PPP3CA: variants seen among roughly 807,000 people sequenced by gnomAD.
The protein encoded by PPP3CA is protein phosphatase 3 catalytic subunit alpha.
In PPP3CA, 14 loss-of-function variants were observed where a neutral mutation model predicts 66.5. That is an observed-to-expected ratio of 0.21 (90% CI 0.14 to 0.33). The LOEUF (loss-of-function observed/expected upper bound fraction) is 0.33, where lower values mean the gene tolerates loss of function less well. PPP3CA is among the 10% of genes least tolerant of loss of function. PPP3CA has a pLI of 1.00. For missense variants in PPP3CA, 317 were observed against 639.5 expected, an observed-to-expected ratio of 0.50 and a Z score of 5.44; for synonymous variants, 232 against 226.2, an observed-to-expected ratio of 1.03 and a Z score of -0.23.
chr4:101,082,146 T>C (rs1275535762), intron 7 of PPP3CA, among the ~76,000 whole-genome samples: 4 of 152,344 alleles, frequency 2.6e-5, no homozygotes, highest in East Asian at 1.9e-4. Context: ...AGTGACACCA[T>C]AGCCTTGACA....
chr4:101,297,301 G>C (rs1728227694), intron 1 of PPP3CA, among the ~76,000 whole-genome samples: 1 of 152,190 alleles, frequency 6.6e-6, no homozygotes, highest in Non-Finnish European at 1.5e-5. Flanking sequence ...CTAGCACGTA[G>C]TAAGTATAAG....
At chr4:101,133,537 T>G (rs1018084688) in intron 2 of PPP3CA, among the ~76,000 whole-genome samples, 3 of 151,964 alleles carry the variant, frequency 2.0e-5, no homozygotes, top group Admixed American at 2.0e-4. Flanking sequence ...CCAACTTATA[T>G]GGGATGTGAA....
intron 11 of PPP3CA, among the ~76,000 whole-genome samples, chr4:101,035,643 T>A (rs1727209031): frequency 6.6e-6 from 1 of 152,164 alleles, no homozygotes; most frequent in African/African-American, 2.4e-5. Context: ...GCATAGAAGA[T>A]GGTCATTTTC....
chr4:101,235,214 A>G (rs1726087591), intron 1 of PPP3CA, among the ~76,000 whole-genome samples: 1 of 151,834 alleles, frequency 6.6e-6, no homozygotes, highest in African/African-American at 2.4e-5. Flanking sequence ...ACAATAAGCT[A>G]TATCCATCTA....
intron 8 of PPP3CA, among the ~76,000 whole-genome samples, chr4:101,076,025 T>C (rs1384896657): frequency 6.6e-6 from 1 of 152,178 alleles, no homozygotes; most frequent in Non-Finnish European, 1.5e-5. Context: ...AAATCACTTT[T>C]ACAGGGGGCA....
chr4:101,047,467 A>G (rs1414389664), intron 10 of PPP3CA, among the ~76,000 whole-genome samples: 2 of 152,210 alleles, frequency 1.3e-5, no homozygotes, highest in Admixed American at 6.5e-5. Context: ...TAAATATCAC[A>G]GCAATTTGAG....
chr4:101,114,450 C>T (rs756858880), intron 2 of PPP3CA, among the ~76,000 whole-genome samples: 2 of 152,084 alleles, frequency 1.3e-5, no homozygotes, highest in Non-Finnish European at 2.9e-5. Context: ...ATCAGATACA[C>T]TGAGCTGTTT....
At chr4:101,330,657 A>C (rs1729355727) in intron 1 of PPP3CA, among the ~76,000 whole-genome samples, 1 of 152,158 alleles carries the variant, frequency 6.6e-6, no homozygotes, top group South Asian at 2.1e-4. Flanking sequence ...GCAGTCTGGA[A>C]TATCTCCAAA....
intron 11 of PPP3CA, among the ~76,000 whole-genome samples, chr4:101,039,530 T>G (rs911344244): frequency 1.4e-5 from 2 of 144,590 alleles, no homozygotes; most frequent in African/African-American, 5.0e-5. Flanking sequence ...GTGAATGTGC[T>G]GGCTACCACA....
chr4:101,197,729 T>C (rs1049599782), intron 1 of PPP3CA, among the ~76,000 whole-genome samples: 1 of 152,194 alleles, frequency 6.6e-6, no homozygotes, highest in Admixed American at 6.5e-5. Flanking sequence ...CATACATACA[T>C]GTGTTTATAT....
intron 6 of PPP3CA, among the ~76,000 whole-genome samples, chr4:101,090,146 C>G (rs1050647004): frequency 2.6e-5 from 4 of 152,184 alleles, no homozygotes; most frequent in African/African-American, 9.6e-5. Context: ...CCAGAGGATG[C>G]CTTCATACTT....
intron 3 of PPP3CA, among the ~76,000 whole-genome samples, chr4:101,103,340 A>T (rs1730529644): frequency 6.6e-6 from 1 of 152,194 alleles, no homozygotes; most frequent in Non-Finnish European, 1.5e-5. Flanking sequence ...AAACTAAGTA[A>T]AGGATTTGCA....
At chr4:101,301,897 T>C (rs184478485) in intron 1 of PPP3CA, among the ~76,000 whole-genome samples, 3 of 151,224 alleles carry the variant, frequency 2.0e-5, no homozygotes, top group African/African-American at 4.8e-5. Context: ...AAATAAAATA[T>C]GCAAATAAGT....
intron 1 of PPP3CA, among the ~76,000 whole-genome samples, chr4:101,298,190 A>C (rs1345629274): frequency 6.6e-6 from 1 of 152,038 alleles, no homozygotes; most frequent in African/African-American, 2.4e-5. Context: ...TTACAGAAAG[A>C]TGTACCCTCA....
intron 3 of PPP3CA, among the ~76,000 whole-genome samples, chr4:101,106,395 A>G (rs907360111): frequency 5.8e-4 from 4 of 6,940 alleles, no homozygotes; most frequent in Admixed American, 5.0e-3. Context: ...GAAAGAAAGA[A>G]AGAAAGAAAG....
intron 3 of PPP3CA, among the ~76,000 whole-genome samples, chr4:101,106,384 A>G (rs975315465): frequency 4.7e-4 from 2 of 4,292 alleles, no homozygotes; most frequent in East Asian, 0.01. Context: ...AAAGAAAGAA[A>G]GAAAGAAAGA....
chr4:101,257,923 A>T (rs1476212145), intron 1 of PPP3CA, among the ~76,000 whole-genome samples: 1 of 152,118 alleles, frequency 6.6e-6, no homozygotes, highest in African/African-American at 2.4e-5. Flanking sequence ...AGCAAATGAA[A>T]CTGTGTTCAA....
intron 2 of PPP3CA, among the ~76,000 whole-genome samples, chr4:101,129,009 T>C (rs1442850039): frequency 6.6e-6 from 1 of 152,158 alleles, no homozygotes; most frequent in Non-Finnish European, 1.5e-5. Flanking sequence ...TGGAAATTCT[T>C]GTTGCCAGGA....
At chr4:101,336,249 T>A (rs1165046381) in intron 1 of PPP3CA, among the ~76,000 whole-genome samples, 2 of 149,834 alleles carry the variant, frequency 1.3e-5, no homozygotes. Flanking sequence ...AAAAACATGC[T>A]GGGTGAGGAA....
Sources: allele counts gnomAD v4.1 joint callset (sites outside exome capture counted in the v4.1 genomes callset), GRCh38; gene constraint gnomAD v4.1.1; transcripts MANE v1.5; gene names NCBI Gene and HGNC (gene_info 2026-07-23, HGNC 2026-07-21).